Variants in ASB10 observed in about 807,000 individuals in gnomAD.
The protein encoded by ASB10 is ankyrin repeat and SOCS box containing 10, also known as ankyrin repeat and SOCS box protein 10.
In ASB10, 44 loss-of-function variants were observed where a neutral mutation model predicts 35.4. The observed-to-expected ratio is 1.24, with a 90% CI of 0.98 to 1.60. The LOEUF (loss-of-function observed/expected upper bound fraction) is 1.60. Among genes scored for constraint, ASB10 ranks in the 40% most tolerant of loss-of-function variants. The pLI is 0.00. For missense variants in ASB10, 647 were observed against 634.3 expected, an observed-to-expected ratio of 1.02 and a Z score of -0.22; for synonymous variants, 294 against 280.4, an observed-to-expected ratio of 1.05 and a Z score of -0.49.
Position 151,180,992 on chromosome 7 carries a change from G to A in ASB10, c.1051C>T (p.Arg351Trp), listed in dbSNP as rs150828773. ...ALAQSPEHVV[R>W]ALLNHGAVRV... is the part of the protein sequence containing the mutation. The stretch of plus-strand genomic sequence containing the variant: ...ACGGCGCCATGGTTGAGCAGAGCCC[G>A]AACCACGTGCTCGGGGCTCTGGGCC... The change falls in exon 3 of 6, where the codon CGG becomes TGG. Residue 351 changes from arginine (R) to tryptophan (W), a missense_variant. Transcript: ENST00000420175. The A allele has an allele frequency of 8.5e-5, 135 of 1,596,066 alleles. No homozygotes were observed. Among genetic ancestry groups the A allele is most frequent in the African/African-American group, 1.2e-4 (9 of 74,706 alleles).
Position 151,176,175 on chromosome 7 carries a change from G to T in ASB10, c.1341C>A (p.Arg447=). Residue 447 remains arginine (R), a synonymous_variant, in exon 5 of 6, where the codon CGC becomes CGA. Transcript: ENST00000420175. ...GGAGCAGGCGCGGTGGCAGGGGGAG[G>T]CGGGGCAGCGCTTGGGGCAGGCTGC... ...LEGSLPQALP[R]LPLPPRLLRY... is the part of the protein sequence containing the mutation. 6.2e-7 allele frequency: 1 copy of T among 1,611,506 alleles called. No homozygotes were observed.
At chr7:151,181,761 C>G (rs986094457) in intron 2 of ASB10, among the ~76,000 whole-genome samples, 2 of 151,988 alleles carry the variant, frequency 1.3e-5, no homozygotes, top group Non-Finnish European at 2.9e-5. Flanking sequence ...TACAGGCTCC[C>G]ACCACCACGC....
At position 151,186,391 on chromosome 7, in the gene ASB10, C is replaced by A; in HGVS notation, c.584+1G>T. On this transcript the variant is annotated splice_donor_variant, in intron 2 of 5. Transcript: ENST00000420175. LOFTEE classifies it high-confidence loss of function. Reference sequence around the variant, plus strand: ...GGGGGTTGGGGTGAGGGGTCACTCACTCAAGGGTGCCAGGCCCCCGGCAGA... The same window carrying A: ...GGGGGTTGGGGTGAGGGGTCACTCAATCAAGGGTGCCAGGCCCCCGGCAGA... 1.3e-6 allele frequency: 2 copies of A among 1,582,596 alleles called. No homozygotes were observed. Among genetic ancestry groups the A allele is most frequent in the Non-Finnish European group, 8.6e-7 (1 of 1,164,718 alleles).
chr7:151,186,840 A>T lies in ASB10; in HGVS notation c.291T>A (p.Asp97Glu), dbSNP rs151344619. 157 of 1,605,212 alleles carry T rather than the reference A, an allele frequency of 9.8e-5. No homozygotes were observed. The highest frequency in any genetic ancestry group is 1.2e-4 in the Non-Finnish European group (136 of 1,173,948). Residue 97 changes from aspartate (D) to glutamate (E), a missense_variant, in exon 1 of 6, where the codon GAT becomes GAA. Transcript: ENST00000420175. Reference protein sequence around the residue: ...FDTSDPERWRDFRFNIRALRL... With the variant: ...FDTSDPERWREFRFNIRALRL... The stretch of plus-strand genomic sequence containing the variant: ...TCAGAGCACGGATGTTGAAGCGGAA[A>T]TCCCTCCATCGCTCTGGGTCGCTGG...
rs567980404 is a variant in ASB10 at position 151,176,395 on chromosome 7, G to A, written c.1219-98C>T. 33 of 1,473,008 alleles carry A rather than the reference G, an allele frequency of 2.2e-5. No individual in the cohort carries two copies. The Admixed American group carries it at 2.8e-4, about 13-fold the overall frequency. 91.2% of individuals were successfully genotyped at this position (1,473,008 alleles called of 1,614,324 possible). A position where few individuals can be genotyped will look rare whatever the true frequency, so the allele number is the denominator to read the frequency against. The stretch of plus-strand genomic sequence containing the variant: ...GCTGGTGAGGGGTGGGGCATCTACC[G>A]GAAGGAACCTATTAGAAACAATGAA... On this transcript the variant is annotated intron_variant, in intron 4 of 5. Transcript: ENST00000420175.
chr7:151,187,162 G>A lies in ASB10; in HGVS notation c.-32C>T, dbSNP rs1801616240. ...AGGGAAAGGGGAGTGGGGAGGAGGA[G>A]AGGTATATGCCAAAGGCAGAGAGAG... is the stretch of plus-strand genomic sequence containing the variant. On this transcript the variant is annotated 5_prime_UTR_variant, in exon 1 of 6. Transcript: ENST00000420175. The surrounding 1 kb of genome is among the most constrained non-coding windows in gnomAD (Gnocchi z 5.3). 2.6e-6 allele frequency: 4 copies of A among 1,559,030 alleles called. No homozygotes were observed. In the East Asian group the frequency reaches 9.5e-5, roughly 37 times the overall value.
In ASB10 at chr7:151,186,513, C is replaced by A. The variant is rs759548414; in HGVS notation, c.463G>T (p.Ala155Ser). ...APGGRTALHE[A>S]CAAGHTACVH... ...CAGGCAGTGTGGCCTGCAGCACAGG[C>A]CTCGTGCAGGGCGGTGCGGCCCCCA... The change falls in exon 2 of 6, where the codon GCC becomes TCC. Residue 155 changes from alanine (A) to serine (S), a missense_variant. By Grantham distance (99) the Ala-to-Ser change is moderately conservative. Coordinates refer to ENST00000420175, the MANE Select transcript of ASB10 (RefSeq NM_001142459.2). The A allele has an allele frequency of 1.9e-6, 3 of 1,602,440 alleles. No homozygotes were observed. Among genetic ancestry groups the A allele is most frequent in the Non-Finnish European group, 1.7e-6 (2 of 1,174,970 alleles).
Position 151,176,634 on chromosome 7 carries a change from G to A in ASB10, c.1147C>T (p.Leu383=), listed in dbSNP as rs1185796475. 4 of 1,551,448 alleles carry A rather than the reference G, an allele frequency of 2.6e-6. No individual in the cohort carries two copies. The Admixed American group carries it at 5.9e-5, about 23-fold the overall frequency. Residue 383 remains leucine (L), a synonymous_variant, in exon 4 of 6, where the codon CTG becomes TTG. Transcript: ENST00000420175. ...TGCACAACACTGTAGGTGTTCATCAGGACCTCGATGGTCCGAGGGCACGTG... is the reference window on the plus strand; with the variant it reads ...TGCACAACACTGTAGGTGTTCATCAAGACCTCGATGGTCCGAGGGCACGTG... ...WSTCPRTIEV[L]MNTYSVVQLP...
chr7:151,186,531 G>A lies in ASB10; in HGVS notation c.445C>T (p.Arg149Cys), dbSNP rs754288090. The change falls in exon 2 of 6, where the codon CGC becomes TGC. Residue 149 changes from arginine (R) to cysteine (C), a missense_variant. Transcript: ENST00000420175. ...RARPDSAPGG[R>C]TALHEACAAG... The stretch of plus-strand genomic sequence containing the variant: ...GCACAGGCCTCGTGCAGGGCGGTGC[G>A]GCCCCCAGGGGCACTGTCTGGCCTT... 22 of 1,602,928 alleles carry A rather than the reference G, an allele frequency of 1.4e-5. No individual in the cohort carries two copies. Among genetic ancestry groups the A allele is most frequent in the East Asian group, 9.0e-5 (4 of 44,346 alleles).
chr7:151,175,742 C>T lies in ASB10; in HGVS notation c.*225G>A, dbSNP rs1393181567. On this transcript the variant is annotated 3_prime_UTR_variant, in exon 6 of 6. Coordinates refer to ENST00000420175, the MANE Select transcript of ASB10 (RefSeq NM_001142459.2). ...AATGCACATACAGGGTTTGCACAGG[C>T]TAGAAGGGGGCCTCAGGAGAGCCCC... The T allele has an allele frequency of 4.0e-6, 1 of 247,314 alleles. No homozygotes were observed. The highest frequency in any genetic ancestry group is 2.3e-5 in the African/African-American group (1 of 43,974). 15.3% of individuals were successfully genotyped at this position (247,314 alleles called of 1,614,324 possible).
rs1801606002 is a variant in ASB10, at chr7:151,186,844, C to T, written c.287G>A (p.Arg96Lys). 6.2e-7 allele frequency: 1 copy of T among 1,607,918 alleles called. No homozygotes were observed. Among genetic ancestry groups the T allele is most frequent in the African/African-American group, 1.3e-5 (1 of 74,834 alleles). ...VFDTSDPERW[R>K]DFRFNIRALR... The stretch of plus-strand genomic sequence containing the variant: ...AGCACGGATGTTGAAGCGGAAATCC[C>T]TCCATCGCTCTGGGTCGCTGGTATC... Residue 96 changes from arginine to lysine, a missense_variant, in exon 1 of 6, where the codon AGG becomes AAG. Arg to Lys is a conservative substitution (Grantham distance 26, BLOSUM62 2). Coordinates refer to ENST00000420175, the MANE Select transcript of ASB10 (RefSeq NM_001142459.2).
At chr7:151,187,415 GC>G, upstream of ASB10, 1 of 1,550,680 alleles carries the variant, frequency 6.4e-7, no homozygotes, top group Non-Finnish European at 8.7e-7. This position sits in a 1 kb window ranked among gnomAD's most constrained non-coding sequence, Gnocchi z 5.3. Flanking sequence ...AGTCAGCCCA[GC>G]CCCCTGGTTC....
chr7:151,184,956 A>G (rs1801560545), intron 2 of ASB10, among the ~76,000 whole-genome samples: 1 of 151,714 alleles, frequency 6.6e-6, no homozygotes, highest in Non-Finnish European at 1.5e-5. Flanking sequence ...CGGGAGGCGG[A>G]GCTTGCAGTG....
chr7:151,186,578 C>T lies in ASB10; in HGVS notation c.398G>A (p.Arg133Gln), dbSNP rs767765146. The change falls in exon 2 of 6, where the codon CGG becomes CAG. Residue 133 changes from arginine to glutamine, a missense_variant. By Grantham distance (43) the Arg-to-Gln change is conservative. Transcript: ENST00000420175. ...AASRGHTEVL[R>Q]LLLRRRARPD... Reference sequence around the variant, plus strand: ...CCTTGCTCGCCGCCTCAGCAGCAGCCGCAGGACTTCCGTGTGGCCACGGCT... The same window carrying T: ...CCTTGCTCGCCGCCTCAGCAGCAGCTGCAGGACTTCCGTGTGGCCACGGCT... The T allele has an allele frequency of 1.6e-5, 26 of 1,608,078 alleles. No individual in the cohort carries two copies. Among genetic ancestry groups the T allele is most frequent in the East Asian group, 2.2e-5 (1 of 44,682 alleles).
At position 151,181,415 on chromosome 7, in the gene ASB10, G is replaced by A. The variant is rs151344613; in HGVS notation, c.628C>T (p.Arg210Trp). Residue 210 changes from arginine (R) to tryptophan (W), a missense_variant, in exon 3 of 6, where the codon CGG becomes TGG. Coordinates refer to ENST00000420175, the MANE Select transcript of ASB10 (RefSeq NM_001142459.2). ...GGGGTCTCCTCTTCTTCCTCGGACC[G>A]ACCATCCACTCTCGCTCCAAACCTG... ...LLRFGARVDG[R>W]SEEEEETPLH... 2.4e-5 allele frequency: 39 copies of A among 1,608,814 alleles called. No homozygotes were observed. The highest frequency in any genetic ancestry group is 1.6e-4 in the Middle Eastern group (1 of 6,072).
At chr7:151,186,274 C>T (rs978086078) in intron 2 of ASB10, 118 bp downstream of exon 2, 72 of 1,298,084 alleles carry the variant, frequency 5.5e-5, no homozygotes, top group Middle Eastern at 2.8e-4. Flanking sequence ...CCCTGACCCG[C>T]GCCCCAAGCC....
At chr7:151,181,976 G>A (rs1801504425) in intron 2 of ASB10, among the ~76,000 whole-genome samples, 1 of 152,202 alleles carries the variant, frequency 6.6e-6, no homozygotes, top group Non-Finnish European at 1.5e-5. Flanking sequence ...TCATCCGTGG[G>A]AATAAACGTC....
At chr7:151,187,758 C>G (rs1801631020), upstream of ASB10, 2 of 1,449,968 alleles carry the variant, frequency 1.4e-6, no homozygotes. The surrounding 1 kb of genome is among the most constrained non-coding windows in gnomAD (Gnocchi z 5.3). Context: ...GCACGACTCC[C>G]AGCGATGTTG....
At chr7:151,185,481 G>C (rs1801572228) in intron 2 of ASB10, among the ~76,000 whole-genome samples, 1 of 152,054 alleles carries the variant, frequency 6.6e-6, no homozygotes, top group South Asian at 2.1e-4. Flanking sequence ...CTCACATTAG[G>C]TTTCCACTGG....
Sources: gnomAD v4.1 joint callset for allele counts (sites outside exome capture counted in the v4.1 genomes callset) on GRCh38, gnomAD v4.1.1 for gene constraint, Gnocchi (gnomAD v3.1) non-coding constraint, MANE v1.5 for transcripts, NCBI Gene and HGNC (gene_info 2026-07-23, HGNC 2026-07-21) for gene names.